FHOD3: variants seen among roughly 807,000 people sequenced by gnomAD.
FHOD3 encodes formin homology 2 domain containing 3.
FHOD3 carries 90 observed loss-of-function variants against 173.0 expected under a neutral mutation model. The ratio of observed to expected loss-of-function variants is 0.52; its 90% confidence interval spans 0.44 to 0.62. FHOD3 has a LOEUF of 0.62. FHOD3 is among the 20% of genes least tolerant of loss of function. FHOD3 has a pLI of 0.00. For missense variants in FHOD3, 1,945 were observed against 2,034.7 expected, an observed-to-expected ratio of 0.96 and a Z score of 0.85; for synonymous variants, 828 against 823.0, an observed-to-expected ratio of 1.01 and a Z score of -0.10.
chr18:36,349,645 A>G (rs1212782998), intron 1 of FHOD3, among the ~76,000 whole-genome samples: 2 of 152,230 alleles, frequency 1.3e-5, no homozygotes, highest in African/African-American at 2.4e-5. Flanking sequence ...GCCAAAACCT[A>G]GATAATCATT....
intron 13 of FHOD3, among the ~76,000 whole-genome samples, chr18:36,655,777 A>T (rs1385861926): frequency 6.6e-6 from 1 of 150,456 alleles, no homozygotes; most frequent in Admixed American, 6.7e-5. Flanking sequence ...ACACACAAAA[A>T]TGCTGAATAG....
chr18:36,725,073 C>T (rs1405300797), intron 19 of FHOD3, among the ~76,000 whole-genome samples: 1 of 152,216 alleles, frequency 6.6e-6, no homozygotes, highest in African/African-American at 2.4e-5. Flanking sequence ...GCTGACCACC[C>T]AAAGATAGTT....
In FHOD3 at chr18:36,693,052, G is replaced by T. The variant is rs1369533896; in HGVS notation, c.2022-157G>T. 10 of 677,972 alleles carry T rather than the reference G, an allele frequency of 1.5e-5. No homozygotes were observed. The East Asian group carries it at 2.5e-4, about 17-fold the overall frequency. The allele number at this position is 677,972 out of a possible 1,614,324, so 42.0% of individuals were successfully genotyped here. On this transcript the variant is annotated intron_variant, in intron 16 of 28. Transcript: ENST00000590592. Reference sequence around the variant, plus strand: ...TTTTAATCATTAGCATCTTGGCTTTGCTGGGTGTTTTTGGCAGGCTGACTC... The same window carrying T: ...TTTTAATCATTAGCATCTTGGCTTTTCTGGGTGTTTTTGGCAGGCTGACTC...
intron 5 of FHOD3, among the ~76,000 whole-genome samples, chr18:36,521,935 C>T (rs780831587): frequency 6.6e-6 from 1 of 152,194 alleles, no homozygotes; most frequent in Non-Finnish European, 1.5e-5. Context: ...CTCGCTCACC[C>T]ATCTTCATCT....
intron 19 of FHOD3, among the ~76,000 whole-genome samples, chr18:36,720,765 T>TCGC (rs1555822392): frequency 2.9e-4 from 40 of 140,094 alleles, no homozygotes; most frequent in African/African-American, 1.1e-3. Flanking sequence ...TCCTGCTCCT[T>TCGC]CTCCTCCTCC....
chr18:36,332,618 T>C (rs541896769), intron 1 of FHOD3, among the ~76,000 whole-genome samples: 10 of 152,380 alleles, frequency 6.6e-5, no homozygotes, highest in African/African-American at 2.4e-4. Flanking sequence ...TGTCTGTTTC[T>C]GTGTCCTAGA....
In FHOD3 at chr18:36,592,106, C is replaced by A. The variant is rs369483736; in HGVS notation, c.607-2681C>A. Among the ~76,000 whole-genome samples, 72 of 152,236 alleles carry A rather than the reference C, an allele frequency of 4.7e-4. 1 individual carries two copies. The highest frequency in any genetic ancestry group is 3.4e-3 in the Middle Eastern group (1 of 294). ...TGGTGGTGCGCACCTGTAGTCCCAG[C>A]TATTCAGGAGGCTGAGGCAGGAGAA... On this transcript the variant is annotated intron_variant, in intron 6 of 28. Transcript: ENST00000590592.
intron 27 of FHOD3, among the ~76,000 whole-genome samples, chr18:36,765,291 A>C (rs2043094430): frequency 6.6e-6 from 1 of 152,170 alleles, no homozygotes; most frequent in African/African-American, 2.4e-5. Flanking sequence ...AAGTGGACTG[A>C]TTGTTAATTA....
intron 4 of FHOD3, among the ~76,000 whole-genome samples, chr18:36,512,211 A>G (rs2055696334): frequency 6.6e-6 from 1 of 152,252 alleles, no homozygotes; most frequent in African/African-American, 2.4e-5. Context: ...CCTTATCTTT[A>G]TTAGATTGCC....
rs1030881909 is a variant in FHOD3, at chr18:36,755,330, C to G, written c.4425+19C>G. 20 of 1,528,892 alleles carry G rather than the reference C, an allele frequency of 1.3e-5. No individual in the cohort carries two copies. The highest frequency in any genetic ancestry group is 1.8e-5 in the Non-Finnish European group (20 of 1,130,804). 94.7% of individuals were successfully genotyped at this position (1,528,892 alleles called of 1,614,324 possible). On this transcript the variant is annotated intron_variant, in intron 25 of 28. Coordinates refer to ENST00000590592, the MANE Select transcript of FHOD3 (RefSeq NM_001281740.3). ...CACCGATGTAAGTTTCACACAATCC[C>G]TCTCCTTATGTCATTCGTTTTCAAA...
At chr18:36,454,473 A>G (rs558541856) in intron 3 of FHOD3, among the ~76,000 whole-genome samples, 2 of 152,314 alleles carry the variant, frequency 1.3e-5, no homozygotes, top group South Asian at 4.1e-4. Context: ...GATGATGTCA[A>G]TATTGCTCAC....
chr18:36,528,725 A>T (rs1232455205), intron 5 of FHOD3, among the ~76,000 whole-genome samples: 5 of 152,196 alleles, frequency 3.3e-5, no homozygotes, highest in Non-Finnish European at 5.9e-5. Flanking sequence ...TTGTTAATTA[A>T]TCTTCTTATG....
At chr18:36,605,545 C>CATT (rs1369546737) in intron 8 of FHOD3, among the ~76,000 whole-genome samples, 1 of 152,128 alleles carries the variant, frequency 6.6e-6, no homozygotes, top group Non-Finnish European at 1.5e-5. Context: ...TTCCTTAACT[C>CATT]ATTTATGCCT....
In FHOD3 at chr18:36,652,863, C is replaced by T; in HGVS notation, c.1580C>T (p.Ser527Phe). 6.5e-7 allele frequency: 1 copy of T among 1,535,972 alleles called. No individual in the cohort carries two copies. Among genetic ancestry groups the T allele is most frequent in the Non-Finnish European group, 8.7e-7 (1 of 1,146,732 alleles). ...YVPHSPFHLF[S>F]YDFEDSSLST... The stretch of plus-strand genomic sequence containing the variant: ...CCCCACAGCCCCTTCCACCTCTTCT[C>T]CTATGACTTTGAGGACTCCTCCCTG... Residue 527 changes from serine to phenylalanine, a missense_variant, in exon 12 of 29, where the codon TCC (serine) becomes TTC (phenylalanine). Ser to Phe is a radical substitution (Grantham distance 155). This residue lies in a region of FHOD3 where 1,099 missense variants were observed against 1,051.2 expected (regional missense o/e 1.05). Coordinates refer to ENST00000590592, the MANE Select transcript of FHOD3 (RefSeq NM_001281740.3).
At chr18:36,441,962 G>T (rs1227926902) in intron 3 of FHOD3, among the ~76,000 whole-genome samples, 4 of 152,206 alleles carry the variant, frequency 2.6e-5, no homozygotes, top group African/African-American at 9.7e-5. Context: ...TTTAGTTCAT[G>T]AAAGTCCGTG....
intron 16 of FHOD3, among the ~76,000 whole-genome samples, chr18:36,690,198 C>A (rs906388690): frequency 6.6e-6 from 1 of 152,144 alleles, no homozygotes; most frequent in African/African-American, 2.4e-5. Context: ...GTGCCCACTA[C>A]AGTTCTTGGC....
At chr18:36,404,632 A>T (rs1369590969) in intron 3 of FHOD3, among the ~76,000 whole-genome samples, 1 of 152,150 alleles carries the variant, frequency 6.6e-6, no homozygotes, top group Non-Finnish European at 1.5e-5. Context: ...AATTTCTGAC[A>T]AGCCCCTAGG....
chr18:36,778,092 G>A (rs375109177), intron 28 of FHOD3: 38 of 152,318 alleles, frequency 2.5e-4, no homozygotes, highest in African/African-American at 8.7e-4. Context: ...TTTCATAATA[G>A]GTATTAGTCC....
chr18:36,511,473 T>TG (rs2055648206), intron 4 of FHOD3, among the ~76,000 whole-genome samples: 1 of 152,018 alleles, frequency 6.6e-6, no homozygotes, highest in African/African-American at 2.4e-5. Context: ...GAGGATTTCC[T>TG]GGGGAATTTA....
Sources: allele counts gnomAD v4.1 joint callset (sites outside exome capture counted in the v4.1 genomes callset), GRCh38; gene constraint gnomAD v4.1.1; regional missense constraint gnomAD v4.1.1; transcripts MANE v1.5; gene names NCBI Gene and HGNC (gene_info 2026-07-23, HGNC 2026-07-21).